HDAC5: variants seen among roughly 807,000 people sequenced by gnomAD.
HDAC5 encodes the protein antigen NY-CO-9.
HDAC5 carries 25 observed loss-of-function variants against 133.3 expected under a neutral mutation model. The ratio of observed to expected loss-of-function variants is 0.19; its 90% CI spans 0.14 to 0.26. The LOEUF is 0.26. Ranked by LOEUF, HDAC5 falls within the 10% of genes least tolerant of loss-of-function variation. HDAC5 has a pLI of 1.00. For missense variants in HDAC5, 1,041 were observed against 1,460.5 expected (o/e 0.71, Z 4.68); for synonymous variants, 589 against 610.8 (o/e 0.96, Z 0.53).
intron 6 of HDAC5, 101 bp downstream of exon 6, chr17:44,092,991 G>T: frequency 1.3e-6 from 1 of 795,350 alleles, no homozygotes; most frequent in Non-Finnish European, 2.0e-6. Flanking sequence ...AGATTGCAGG[G>T]CCCGTATATG....
chr17:44,089,023 C>G (rs548801588), intron 11 of HDAC5, among the ~76,000 whole-genome samples: 13 of 152,164 alleles, frequency 8.5e-5, no homozygotes, highest in Admixed American at 4.6e-4. Context: ...AGCAGAACCT[C>G]TTCTGGTGCC....
At chr17:44,107,468 C>T (rs2052031700) in intron 3 of HDAC5, among the ~76,000 whole-genome samples, 1 of 152,008 alleles carries the variant, frequency 6.6e-6, no homozygotes, top group Non-Finnish European at 1.5e-5. Flanking sequence ...ATTAGCCAGG[C>T]ACGGTGGCGT....
chr17:44,082,539 C>T (rs1217986051), intron 20 of HDAC5, 46 bp downstream of exon 20: 4 of 1,468,662 alleles, frequency 2.7e-6, no homozygotes, highest in Non-Finnish European at 3.8e-6. Flanking sequence ...TGACCCTGGT[C>T]CTAGCTCTAC....
chr17:44,117,657 C>T lies in HDAC5; in HGVS notation c.-142G>A, dbSNP rs2052732268. The T allele has an allele frequency of 1.1e-6, 1 of 881,432 alleles. No individual in the cohort carries two copies. The highest frequency in any genetic ancestry group is 1.9e-5 in the Admixed American group (1 of 53,240). 54.6% of individuals were successfully genotyped at this position (881,432 alleles called of 1,614,324 possible). A position where few individuals can be genotyped will look rare whatever the true frequency, so the allele number is the denominator to read the frequency against. On this transcript the variant is annotated 5_prime_UTR_variant, in exon 2 of 27. Transcript: ENST00000682912. The surrounding 1 kb of genome is among the most constrained non-coding windows in gnomAD (Gnocchi z 4.2). ...GGCCGCCGTGCCTCTAATGCCCATC[C>T]GAGGCCATCCTTCGGGGCGAGGCAG...
At chr17:44,108,949 C>A (rs866729822) in intron 3 of HDAC5, among the ~76,000 whole-genome samples, 1 of 151,454 alleles carries the variant, frequency 6.6e-6, no homozygotes, top group Non-Finnish European at 1.5e-5. Flanking sequence ...GGCCAGCCAG[C>A]GTTGGGGGTG....
chr17:44,082,600 G>C lies in HDAC5; in HGVS notation c.2592C>G (p.Val864=). The change falls in exon 20 of 27, where the codon GTC becomes GTG. Residue 864 remains valine, a synonymous_variant. Transcript: ENST00000682912. ...CACTGCCTACCCAGTCCACGATGAG[G>C]ACCTTGCCCACGTTCAACTTCTGCT... The part of the protein sequence containing the change: ...LLQQKLNVGK[V]LIVDWDIHHG... 6.2e-7 allele frequency: 1 copy of C among 1,613,886 alleles called. No homozygotes were observed. Among genetic ancestry groups the C allele is most frequent in the Non-Finnish European group, 8.5e-7 (1 of 1,179,766 alleles).
At chr17:44,079,380 G>A (rs1043416991) in intron 23 of HDAC5, 103 bp from the exon 24 acceptor site, 20 of 1,199,012 alleles carry the variant, frequency 1.7e-5, no homozygotes, top group African/African-American at 1.2e-4. Context: ...GGTGGCTCAC[G>A]CCTGTAATCC....
rs1456361641 is a variant in HDAC5 at position 44,110,833 on chromosome 17, G to T, written c.23-33C>A. The T allele has an allele frequency of 5.8e-6, 9 of 1,563,538 alleles. No individual in the cohort carries two copies. The East Asian group carries it at 6.8e-5, about 12-fold the overall frequency. On this transcript the variant is annotated intron_variant, in intron 2 of 26. Transcript: ENST00000682912. ...GAAACAGGATTCTGTCTCATAGATGGTCTGCAGCATCTCCACGAGCCCCTG... is the reference window on the plus strand; with the variant it reads ...GAAACAGGATTCTGTCTCATAGATGTTCTGCAGCATCTCCACGAGCCCCTG...
chr17:44,077,088 T>A lies in HDAC5; in HGVS notation c.*1288A>T, dbSNP rs2050157427. The stretch of plus-strand genomic sequence containing the variant: ...TAGGATAATAAATATGTAAACAGAT[T>A]GGTGGGGCCCTGGAGATAGAAGGAG... On this transcript the variant is annotated 3_prime_UTR_variant, in exon 27 of 27. Coordinates refer to ENST00000682912, the MANE Select transcript of HDAC5 (RefSeq NM_005474.5). The A allele has an allele frequency of 6.5e-6, 1 of 152,686 alleles. No individual in the cohort carries two copies. Among genetic ancestry groups the A allele is most frequent in the South Asian group, 2.1e-4 (1 of 4,824 alleles). 9.5% of individuals were successfully genotyped at this position (152,686 alleles called of 1,614,324 possible). A position where few individuals can be genotyped will look rare whatever the true frequency, so the allele number is the denominator to read the frequency against.
At chr17:44,109,552 A>G (rs1442691557) in intron 3 of HDAC5, among the ~76,000 whole-genome samples, 1 of 152,208 alleles carries the variant, frequency 6.6e-6, no homozygotes, top group African/African-American at 2.4e-5. Flanking sequence ...ATGCTCCTAC[A>G]TGAGAAAACT....
chr17:44,100,578 C>CAA (rs869274112), intron 3 of HDAC5, among the ~76,000 whole-genome samples: 1,064 of 89,316 alleles, frequency 0.012, 32 homozygotes, highest in African/African-American at 0.047. Flanking sequence ...ACTAAAGATA[C>CAA]AAAAAAAAAA....
At chr17:44,114,444 G>A (rs902806730) in intron 2 of HDAC5, among the ~76,000 whole-genome samples, 8 of 146,496 alleles carry the variant, frequency 5.5e-5, no homozygotes, top group Middle Eastern at 3.5e-3. Context: ...GCGTGGGGGG[G>A]GGGGGCTGCT....
In HDAC5 at chr17:44,084,594, G is replaced by C; in HGVS notation, c.2266C>G (p.Pro756Ala). Residue 756 changes from proline to alanine, a missense_variant, in exon 16 of 27, where the codon CCC (proline) becomes GCC (alanine). By Grantham distance (27) the Pro-to-Ala change is conservative. Around this residue, in one of 9 missense-constraint regions of HDAC5, gnomAD observed 31 missense variants for 27.0 expected, o/e 1.15. Transcript: ENST00000682912. ...EYHTLLYGTS[P>A]LNRQKLDSKK... is the part of the protein sequence containing the mutation. ...CTGTCTAGCTTCTGCCGGTTGAGGGGACTGGTCCCATAGAGCAGGGTGTGG... is the reference window on the plus strand; with the variant it reads ...CTGTCTAGCTTCTGCCGGTTGAGGGCACTGGTCCCATAGAGCAGGGTGTGG... 6.2e-7 allele frequency: 1 copy of C among 1,614,150 alleles called. No homozygotes were observed. The highest frequency in any genetic ancestry group is 8.5e-7 in the Non-Finnish European group (1 of 1,180,026).
At chr17:44,100,645 G>A (rs2051543667) in intron 3 of HDAC5, among the ~76,000 whole-genome samples, 1 of 150,842 alleles carries the variant, frequency 6.6e-6, no homozygotes, top group African/African-American at 2.4e-5. Flanking sequence ...CAGCTACTCG[G>A]GCAGCTGAGG....
intron 11 of HDAC5, among the ~76,000 whole-genome samples, chr17:44,089,290 G>A (rs2050815645): frequency 6.6e-6 from 1 of 152,176 alleles, no homozygotes; most frequent in Non-Finnish European, 1.5e-5. Flanking sequence ...AAGGCAGGGG[G>A]ATGGCTTGAG....
intron 3 of HDAC5, among the ~76,000 whole-genome samples, chr17:44,100,605 G>A (rs1159980953): frequency 2.1e-5 from 3 of 142,776 alleles, no homozygotes; most frequent in African/African-American, 8.4e-5. Context: ...AAAAAAATTA[G>A]CTGGGCATGG....
At chr17:44,109,405 G>A (rs1261579205) in intron 3 of HDAC5, among the ~76,000 whole-genome samples, 1 of 152,138 alleles carries the variant, frequency 6.6e-6, no homozygotes, top group African/African-American at 2.4e-5. Context: ...TACCTCAGGG[G>A]ACTACGTGGG....
chr17:44,090,556 G>A (rs1011810823), intron 11 of HDAC5, among the ~76,000 whole-genome samples: 6 of 150,624 alleles, frequency 4.0e-5, no homozygotes, highest in Non-Finnish European at 8.9e-5. Flanking sequence ...TGTATTTTTA[G>A]TAGAGATGGG....
At chr17:44,112,977 G>A (rs1357881346) in intron 2 of HDAC5, among the ~76,000 whole-genome samples, 1 of 152,166 alleles carries the variant, frequency 6.6e-6, no homozygotes, top group Non-Finnish European at 1.5e-5. Flanking sequence ...GGCCAACCAG[G>A]CCCTCTCAAG....
Sources: gnomAD v4.1 joint callset for allele counts (sites outside exome capture counted in the v4.1 genomes callset) on GRCh38, gnomAD v4.1.1 for gene constraint, gnomAD v4.1.1 regional missense constraint, Gnocchi (gnomAD v3.1) non-coding constraint, MANE v1.5 for transcripts, NCBI Gene and HGNC (gene_info 2026-07-23, HGNC 2026-07-21) for gene names.